Variants in CLMN observed in about 807,000 individuals in gnomAD.
The protein encoded by CLMN is calmin, also known as calmin (calponin-like, transmembrane).
CLMN carries 57 observed loss-of-function variants against 92.7 expected under a neutral mutation model. That is an observed-to-expected ratio of 0.61 (90% CI 0.50 to 0.77). The LOEUF (loss-of-function observed/expected upper bound fraction) is 0.77, where lower values mean the gene tolerates loss of function less well. Ranked by LOEUF, CLMN falls within the 30% of genes least tolerant of loss-of-function variation. CLMN has a pLI of 0.00. For synonymous variants in CLMN, 466 were observed against 470.6 expected (o/e 0.99, Z 0.13); for missense variants, 1,158 against 1,237.5 (o/e 0.94, Z 0.96).
rs1226290432 is a variant in CLMN at position 95,233,379 on chromosome 14, C to G, written c.83-3246G>C. On this transcript the variant is annotated intron_variant, in intron 1 of 12. Coordinates refer to ENST00000298912, the MANE Select transcript of CLMN (RefSeq NM_024734.4). ...CCCATCCATCCATCCAGCCATCCAT[C>G]TATCCAACCATCCATTTATCCATCC... 2.0e-5 allele frequency among the ~76,000 whole-genome samples: 3 copies of G among 151,992 alleles called. No homozygotes were observed. In the East Asian group the frequency reaches 5.8e-4, roughly 29 times the overall value.
chr14:95,269,965 G>A (rs759253058), intron 1 of CLMN, among the ~76,000 whole-genome samples: 4 of 152,148 alleles, frequency 2.6e-5, no homozygotes, highest in Middle Eastern at 3.2e-3. Context: ...CTTCTACTAT[G>A]TTAAACCACC....
At position 95,183,800 on chromosome 14, in the gene CLMN, T is replaced by C. The variant is rs1896379582; in HGVS notation, c.*7764A>G. 6.6e-6 allele frequency: 1 copy of C among 152,378 alleles called. No homozygotes were observed. Among genetic ancestry groups the C allele is most frequent in the East Asian group, 1.9e-4 (1 of 5,194 alleles). 9.4% of individuals were successfully genotyped at this position (152,378 alleles called of 1,614,324 possible). A position where few individuals can be genotyped will look rare whatever the true frequency, so the allele number is the denominator to read the frequency against. Reference sequence around the variant, plus strand: ...AGAGTGTTTGAAAATAACAGTCCTATGTTCCCAGTTCTGCTACTTACTAGT... The same window carrying C: ...AGAGTGTTTGAAAATAACAGTCCTACGTTCCCAGTTCTGCTACTTACTAGT... On this transcript the variant is annotated 3_prime_UTR_variant, in exon 13 of 13. Transcript: ENST00000298912.
intron 5 of CLMN, among the ~76,000 whole-genome samples, chr14:95,215,405 T>C (rs888941536): frequency 6.6e-6 from 1 of 152,196 alleles, no homozygotes; most frequent in Non-Finnish European, 1.5e-5. Flanking sequence ...ATTTAACTCT[T>C]CCAGACCCAA....
At chr14:95,196,455 T>C (rs778420882) in intron 10 of CLMN, 43 bp downstream of exon 10, 1 of 1,572,368 alleles carries the variant, frequency 6.4e-7, no homozygotes, top group Non-Finnish European at 8.6e-7. Flanking sequence ...ACTCTCTAAC[T>C]CTCTGGCTCC....
chr14:95,233,063 G>C (rs1005543577), intron 1 of CLMN, among the ~76,000 whole-genome samples: 32 of 152,250 alleles, frequency 2.1e-4, no homozygotes, highest in African/African-American at 7.5e-4. Flanking sequence ...AGGCTGTCCC[G>C]GTTTATGCTT....
At chr14:95,223,021 G>C (rs1330107349) in intron 3 of CLMN, among the ~76,000 whole-genome samples, 1 of 152,196 alleles carries the variant, frequency 6.6e-6, no homozygotes, top group Non-Finnish European at 1.5e-5. Flanking sequence ...TCTGGAACAG[G>C]CTTTCTCAAT....
At chr14:95,214,052 C>T (rs1897264973) in intron 5 of CLMN, among the ~76,000 whole-genome samples, 1 of 151,980 alleles carries the variant, frequency 6.6e-6, no homozygotes, top group Non-Finnish European at 1.5e-5. Context: ...ACTGCACTCC[C>T]CCATCTGAGC....
Position 95,210,659 on chromosome 14 carries a change from TAGAA to T in CLMN, c.802+23_802+26del, listed in dbSNP as rs1303999719. 32 of 1,590,832 alleles carry T rather than the reference TAGAA, an allele frequency of 2.0e-5. 1 individual carries two copies. The highest frequency in any genetic ancestry group is 1.4e-4 in the African/African-American group (10 of 72,880). On this transcript the variant is annotated intron_variant, in intron 7 of 12. Transcript: ENST00000298912. ...TGGTACATTTGTAAAAAAAAATTAT[TAGAA>T]AGAAAGAGAGAACCACTGCTACCTT... is the stretch of plus-strand genomic sequence containing the variant.
chr14:95,281,384 A>C (rs1900139887), intron 1 of CLMN, among the ~76,000 whole-genome samples: 1 of 152,268 alleles, frequency 6.6e-6, no homozygotes, highest in Non-Finnish European at 1.5e-5. Context: ...GTCATTTTGC[A>C]AACAAATCAG....
intron 1 of CLMN, among the ~76,000 whole-genome samples, chr14:95,276,826 G>A (rs533998036): frequency 1.6e-4 from 24 of 152,284 alleles, no homozygotes; most frequent in African/African-American, 5.3e-4. Context: ...GTTTTGTCAC[G>A]CATATTTTTC....
At chr14:95,297,792 G>A (rs1900868283) in intron 1 of CLMN, among the ~76,000 whole-genome samples, 2 of 145,578 alleles carry the variant, frequency 1.4e-5, no homozygotes, top group South Asian at 2.2e-4. Flanking sequence ...CCAGTTTTTG[G>A]CTATTATGAA....
At chr14:95,202,095 C>G (rs1484947499) in intron 9 of CLMN, among the ~76,000 whole-genome samples, 1 of 152,076 alleles carries the variant, frequency 6.6e-6, no homozygotes, top group Admixed American at 6.6e-5. Context: ...GGGCATATAC[C>G]TCGTAATGGG....
At chr14:95,257,453 A>C (rs988594708) in intron 1 of CLMN, among the ~76,000 whole-genome samples, 2 of 152,170 alleles carry the variant, frequency 1.3e-5, no homozygotes, top group African/African-American at 4.8e-5. Flanking sequence ...TATCTACTTA[A>C]CTGTTAACAA....
In CLMN at chr14:95,191,948, C is replaced by T. The variant is rs1896573594; in HGVS notation, c.2841-216G>A. 8.7e-6 allele frequency: 4 copies of T among 457,412 alleles called. No homozygotes were observed. The highest frequency in any genetic ancestry group is 3.9e-5 in the Admixed American group (1 of 25,580). 28.3% of individuals were successfully genotyped at this position (457,412 alleles called of 1,614,324 possible). ...GCCCCTCGAGCTTTTGCACGTACTC[C>T]GTTCATCTCCATAACATCAGGTGAG... On this transcript the variant is annotated intron_variant, in intron 12 of 12. Coordinates refer to ENST00000298912, the MANE Select transcript of CLMN (RefSeq NM_024734.4). The surrounding 1 kb of genome is among the most constrained non-coding windows in gnomAD (Gnocchi z 5.3).
intron 8 of CLMN, among the ~76,000 whole-genome samples, chr14:95,204,998 C>T (rs998005688): frequency 3.3e-5 from 5 of 152,176 alleles, no homozygotes; most frequent in African/African-American, 1.2e-4. Context: ...GGGAATTTTG[C>T]TGTGTAAGAG....
At chr14:95,261,361 G>A (rs114222708) in intron 1 of CLMN, among the ~76,000 whole-genome samples, 3,365 of 152,296 alleles carry the variant, frequency 0.022, 141 homozygotes, top group African/African-American at 0.077. Context: ...CGTGAAAGAC[G>A]AGCACTGATT....
At chr14:95,207,366 T>A (rs1396189914) in intron 8 of CLMN, among the ~76,000 whole-genome samples, 1 of 152,240 alleles carries the variant, frequency 6.6e-6, no homozygotes, top group Non-Finnish European at 1.5e-5. Flanking sequence ...GCAATCCTCC[T>A]GCTTCAGCCT....
intron 1 of CLMN, among the ~76,000 whole-genome samples, chr14:95,243,769 T>C (rs1898352220): frequency 6.6e-6 from 1 of 150,902 alleles, no homozygotes; most frequent in Admixed American, 6.6e-5. Flanking sequence ...CTCTGCTTAT[T>C]GGAGCACTCG....
chr14:95,286,666 A>G (rs1900355529), intron 1 of CLMN, among the ~76,000 whole-genome samples: 1 of 152,248 alleles, frequency 6.6e-6, no homozygotes, highest in Non-Finnish European at 1.5e-5. Flanking sequence ...CACCCAAAAT[A>G]AAAATGTCAT....
Sources: allele counts gnomAD v4.1 joint callset (sites outside exome capture counted in the v4.1 genomes callset), GRCh38; gene constraint gnomAD v4.1.1; non-coding constraint Gnocchi (gnomAD v3.1); transcripts MANE v1.5; gene names NCBI Gene and HGNC (gene_info 2026-07-23, HGNC 2026-07-21).